Variants in VIRMA observed in about 807,000 individuals in gnomAD.
The protein encoded by VIRMA is vir like m6A methyltransferase associated.
Under a neutral mutation model 182.4 loss-of-function variants are expected in VIRMA, and 65 were observed. The observed-to-expected ratio is 0.36, with a 90% confidence interval of 0.29 to 0.44. The LOEUF is 0.44. VIRMA is among the 20% of genes least tolerant of loss of function. The pLI is 1.00. For missense variants in VIRMA, 1,752 were observed against 2,158.1 expected (o/e 0.81, Z 3.73); for synonymous variants, 709 against 743.1 (o/e 0.95, Z 0.75).
intron 1 of VIRMA, among the ~76,000 whole-genome samples, chr8:94,550,758 G>A (rs554121176): frequency 7.7e-4 from 116 of 151,336 alleles, no homozygotes; most frequent in Non-Finnish European, 1.4e-3. Context: ...TTGCTCTGTC[G>A]CACAGGCTGG....
rs1816076841 is a variant in VIRMA at position 94,553,385 on chromosome 8, C to T, written c.63G>A (p.Glu21=). The T allele has an allele frequency of 6.2e-7, 1 of 1,614,160 alleles. No homozygotes were observed. The highest frequency in any genetic ancestry group is 1.1e-5 in the South Asian group (1 of 91,088). ...TCAGAATCAAGTCGCCAAGCCTTAC[C>T]TCAGCGCTCGGGTGTTTAAAAGTAT... ...FLDTFKHPSA[E]QSSHIDVVRF... The change falls in exon 1 of 24, where the codon GAG becomes GAA. Residue 21 remains glutamate (E), a splice_region_variant and synonymous_variant. Coordinates refer to ENST00000297591, the MANE Select transcript of VIRMA (RefSeq NM_015496.5).
chr8:94,540,461 C>CTTTTTTTTTTTT (rs963429701), intron 2 of VIRMA, among the ~76,000 whole-genome samples: 1 of 128,632 alleles, frequency 7.8e-6, no homozygotes, highest in Non-Finnish European at 1.7e-5. Context: ...TTCTTCTTTT[C>CTTTTTTTTTTTT]TTTTTTTTTT....
At chr8:94,539,622 C>T (rs962690225) in intron 2 of VIRMA, among the ~76,000 whole-genome samples, 1 of 152,140 alleles carries the variant, frequency 6.6e-6, no homozygotes, top group African/African-American at 2.4e-5. Context: ...GGTAGAAGCA[C>T]AAACAGGCAT....
chr8:94,511,072 T>C (rs1814355029), intron 13 of VIRMA, 113 bp downstream of exon 13: 1 of 1,460,172 alleles, frequency 6.8e-7, no homozygotes, highest in South Asian at 1.5e-5. Flanking sequence ...GGTTATTTTA[T>C]GTCTTTTTGG....
In VIRMA at chr8:94,526,710, T is replaced by A. The variant is rs1318186261; in HGVS notation, c.1534A>T (p.Ser512Cys). ...AAAGCTTCCATTCCTTCTGTCATACTAATGACACTGTCCAAAGCTTTAAAA... is the reference window on the plus strand; with the variant it reads ...AAAGCTTCCATTCCTTCTGTCATACAAATGACACTGTCCAAAGCTTTAAAA... The part of the protein sequence containing the change: ...NAFKALDSVI[S>C]MTEGMEAFLR... The change falls in exon 8 of 24, where the codon AGT becomes TGT. Residue 512 changes from serine (S) to cysteine (C), a missense_variant. By Grantham distance (112) the Ser-to-Cys change is moderately radical. This residue lies in a region of VIRMA where 401 missense variants were observed against 455.1 expected (regional missense o/e 0.88). Coordinates refer to ENST00000297591, the MANE Select transcript of VIRMA (RefSeq NM_015496.5). The A allele has an allele frequency of 8.7e-6, 14 of 1,613,632 alleles. No individual in the cohort carries two copies. Among genetic ancestry groups the A allele is most frequent in the African/African-American group, 4.0e-5 (3 of 74,912 alleles).
intron 5 of VIRMA, among the ~76,000 whole-genome samples, chr8:94,533,041 TAAAAC>T (rs1222667353): frequency 6.6e-6 from 1 of 152,112 alleles, no homozygotes. Context: ...TTGTCAATTT[TAAAAC>T]AAATCAGTAA....
intron 17 of VIRMA, chr8:94,497,768 T>C (rs141347833): frequency 0.025 from 3,795 of 152,344 alleles, 159 homozygotes; most frequent in African/African-American, 0.086. Flanking sequence ...CCCAGCACTT[T>C]TGGGGGCTGA....
chr8:94,508,515 G>A (rs1814245801), intron 15 of VIRMA, among the ~76,000 whole-genome samples: 1 of 152,140 alleles, frequency 6.6e-6, no homozygotes, highest in South Asian at 2.1e-4. Flanking sequence ...GGAAAACACA[G>A]CAAAGTGAGG....
intron 22 of VIRMA, 144 bp downstream of exon 22, chr8:94,491,434 A>G: frequency 1.4e-6 from 1 of 716,672 alleles, no homozygotes; most frequent in East Asian, 2.7e-5. Context: ...AGTACTCTGC[A>G]AACAGTACCA....
chr8:94,533,181 G>C (rs1586102041), intron 5 of VIRMA, among the ~76,000 whole-genome samples: 1 of 144,468 alleles, frequency 6.9e-6, no homozygotes, highest in South Asian at 2.2e-4. Context: ...AAAAAAAAAA[G>C]CACAGAAAAA....
intron 2 of VIRMA, among the ~76,000 whole-genome samples, chr8:94,540,786 A>G (rs1469371511): frequency 6.6e-6 from 1 of 151,474 alleles, no homozygotes; most frequent in East Asian, 1.9e-4. Flanking sequence ...TTTAAACTAG[A>G]CCTTGGACTT....
At chr8:94,512,830 G>C (rs971283499) in intron 11 of VIRMA, among the ~76,000 whole-genome samples, 3 of 152,098 alleles carry the variant, frequency 2.0e-5, no homozygotes, top group African/African-American at 7.2e-5. Flanking sequence ...TCAAAAGTGA[G>C]GAAGCAGCAA....
intron 2 of VIRMA, among the ~76,000 whole-genome samples, chr8:94,540,554 T>C (rs1483211725): frequency 6.8e-6 from 1 of 146,446 alleles, no homozygotes; most frequent in Non-Finnish European, 1.5e-5. Flanking sequence ...AACCTCCGCC[T>C]CTCAGGTTCA....
intron 20 of VIRMA, among the ~76,000 whole-genome samples, chr8:94,493,220 G>A (rs1813662188): frequency 6.6e-6 from 1 of 152,176 alleles, no homozygotes; most frequent in East Asian, 1.9e-4. Flanking sequence ...CTGTGCCACA[G>A]ATTCCCAAAA....
rs1814301246 is a variant in VIRMA, at chr8:94,509,823, T to A, written c.3744A>T (p.Gly1248=). 6.2e-7 allele frequency: 1 copy of A among 1,614,078 alleles called. No individual in the cohort carries two copies. Among genetic ancestry groups the A allele is most frequent in the Non-Finnish European group, 8.5e-7 (1 of 1,179,978 alleles). ...CATATCTTTCATCACCTTTAATAGT[T>A]CCATTAATTAGATGCAAAATAGCTA... ...CKLAILHLIN[G]TIKGDERYAE... is the part of the protein sequence containing the mutation. The change falls in exon 15 of 24, where the codon GGA becomes GGT. Residue 1248 remains glycine, a synonymous_variant. Transcript: ENST00000297591.
rs940140945 is a variant in VIRMA, at chr8:94,499,604, C to T, written c.4098-98G>A. On this transcript the variant is annotated intron_variant, in intron 16 of 23. Coordinates refer to ENST00000297591, the MANE Select transcript of VIRMA (RefSeq NM_015496.5). The stretch of plus-strand genomic sequence containing the variant: ...CTCACTTCAGACAGAATAAAACTTA[C>T]TCCATCATTTTTAAAAATGCTAAGA... 5.4e-5 allele frequency: 44 copies of T among 820,400 alleles called. No homozygotes were observed. The African/African-American group carries it at 6.4e-4, about 12-fold the overall frequency. 50.8% of individuals were successfully genotyped at this position (820,400 alleles called of 1,614,324 possible).
chr8:94,512,210 T>C, intron 11 of VIRMA, 121 bp from the exon 12 acceptor site: 1 of 369,008 alleles, frequency 2.7e-6, no homozygotes, highest in East Asian at 4.3e-5. Context: ...CAATATTTTA[T>C]ATTTATTAAG....
chr8:94,532,946 A>G (rs962507532), intron 5 of VIRMA, among the ~76,000 whole-genome samples: 3 of 152,150 alleles, frequency 2.0e-5, no homozygotes, highest in African/African-American at 2.4e-5. Context: ...GGGTGACGTA[A>G]CAAAATCCTG....
chr8:94,520,185 C>CAAAAAAAA (rs757063695), intron 8 of VIRMA, among the ~76,000 whole-genome samples: 1 of 82,978 alleles, frequency 1.2e-5, no homozygotes, highest in Non-Finnish European at 2.4e-5. Context: ...GACCCTGCAT[C>CAAAAAAAA]AAAAAAAAAA....
Sources: gnomAD v4.1 joint callset for allele counts (sites outside exome capture counted in the v4.1 genomes callset) on GRCh38, gnomAD v4.1.1 for gene constraint, gnomAD v4.1.1 regional missense constraint, MANE v1.5 for transcripts, NCBI Gene and HGNC (gene_info 2026-07-23, HGNC 2026-07-21) for gene names.